Variants in RFX3 observed in about 807,000 individuals in gnomAD.
RFX3 encodes transcription factor RFX3.
Under a neutral mutation model 98.6 loss-of-function variants are expected in RFX3, and 14 were observed. The observed-to-expected ratio is 0.14, with a 90% CI of 0.09 to 0.22. RFX3 has a LOEUF of 0.22. Among genes scored for constraint, RFX3 ranks in the 10% least tolerant of loss-of-function variants. The pLI, the probability that RFX3 is intolerant of heterozygous loss-of-function variation, is 1.00. For missense variants in RFX3, 639 were observed against 926.9 expected, an observed-to-expected ratio of 0.69 and a Z score of 4.03; for synonymous variants, 383 against 328.4, an observed-to-expected ratio of 1.17 and a Z score of -1.80.
chr9:3,269,302 A>C (rs1183483445), intron 11 of RFX3, among the ~76,000 whole-genome samples: 1 of 152,000 alleles, frequency 6.6e-6, no homozygotes, highest in Non-Finnish European at 1.5e-5. Context: ...GTCTATTGTT[A>C]TTTAGAAAAA....
In RFX3 at chr9:3,231,724, A is replaced by G. The variant is rs116697328; in HGVS notation, c.1969-2835T>C. Among the ~76,000 whole-genome samples the G allele has an allele frequency of 5.6e-3, 850 of 152,140 alleles. 12 individuals carry two copies. The highest frequency in any genetic ancestry group is 0.02 in the African/African-American group (810 of 41,486). On this transcript the variant is annotated intron_variant, in intron 15 of 16. Transcript: ENST00000617270. ...TGAGAGCAGGCAGAAGAAAAATAGT[A>G]CCATAGATAGGGGCCAGATGACAAG...
At chr9:3,400,359 C>T (rs1253251843) in intron 1 of RFX3, 5 of 239,248 alleles carry the variant, frequency 2.1e-5, no homozygotes, top group East Asian at 1.8e-4. Context: ...TAGAGAGTCA[C>T]GGAGAACTTT....
At chr9:3,304,061 A>G (rs1586954647) in intron 4 of RFX3, among the ~76,000 whole-genome samples, 1 of 152,036 alleles carries the variant, frequency 6.6e-6, no homozygotes. Flanking sequence ...CAAGGAAGAC[A>G]CCAGCCTCAG....
intron 2 of RFX3, among the ~76,000 whole-genome samples, chr9:3,373,388 G>C (rs1029467147): frequency 1.3e-5 from 2 of 152,078 alleles, no homozygotes. Context: ...ACCTGAGAAA[G>C]CTAATTCACA....
intron 2 of RFX3, among the ~76,000 whole-genome samples, chr9:3,375,478 A>G (rs533610451): frequency 1.3e-5 from 2 of 152,244 alleles, no homozygotes; most frequent in Non-Finnish European, 2.9e-5. Flanking sequence ...ACAAGCTGAT[A>G]AGATTTCTAA....
intron 1 of RFX3, among the ~76,000 whole-genome samples, chr9:3,415,184 C>CACATACTCATATATATATATATAT (rs1842880672): frequency 7.7e-6 from 1 of 129,164 alleles, no homozygotes; most frequent in East Asian, 2.2e-4. Flanking sequence ...TATATATATA[C>CACATACTCATATATATATATATAT]ACATACTCAT....
intron 13 of RFX3, among the ~76,000 whole-genome samples, chr9:3,260,777 T>C (rs889024765): frequency 1.3e-5 from 2 of 151,314 alleles, no homozygotes; most frequent in African/African-American, 2.4e-5. Flanking sequence ...GTAAAGATTA[T>C]GTACTTGTAT....
chr9:3,413,852 A>C (rs2132220896), intron 1 of RFX3, among the ~76,000 whole-genome samples: 1 of 152,238 alleles, frequency 6.6e-6, no homozygotes, highest in East Asian at 1.9e-4. Context: ...CTAAGTAATA[A>C]ATCAGGAAAA....
intron 1 of RFX3, among the ~76,000 whole-genome samples, chr9:3,514,609 C>T (rs983888133): frequency 6.6e-6 from 1 of 152,076 alleles, no homozygotes; most frequent in Non-Finnish European, 1.5e-5. Context: ...CCACTGCACC[C>T]GGCTAATTTT....
chr9:3,450,716 A>C (rs184529675), intron 1 of RFX3, among the ~76,000 whole-genome samples: 248 of 152,296 alleles, frequency 1.6e-3, no homozygotes, highest in East Asian at 5.8e-3. Flanking sequence ...AGGACACACA[A>C]AAAAAATCAA....
chr9:3,392,978 T>C (rs1226460670), intron 2 of RFX3, among the ~76,000 whole-genome samples: 3 of 149,610 alleles, frequency 2.0e-5, no homozygotes, highest in Non-Finnish European at 3.0e-5. Flanking sequence ...GGTTGAGACA[T>C]GAAATTATTG....
intron 1 of RFX3, among the ~76,000 whole-genome samples, chr9:3,469,523 T>A (rs970855265): frequency 2.6e-5 from 4 of 152,182 alleles, no homozygotes; most frequent in Admixed American, 2.6e-4. Flanking sequence ...TTATTCTTGA[T>A]TGTGAACATA....
chr9:3,367,575 A>G (rs1056716875), intron 2 of RFX3, among the ~76,000 whole-genome samples: 2 of 152,204 alleles, frequency 1.3e-5, no homozygotes, highest in African/African-American at 4.8e-5. Flanking sequence ...ACACAGCAAG[A>G]AGAAACTAAT....
chr9:3,362,941 A>C (rs1836626841), intron 2 of RFX3, among the ~76,000 whole-genome samples: 1 of 152,220 alleles, frequency 6.6e-6, no homozygotes, highest in Admixed American at 6.5e-5. Flanking sequence ...CTCAGCGACA[A>C]AACAGGATAG....
chr9:3,412,302 G>C (rs1416459282), intron 1 of RFX3, among the ~76,000 whole-genome samples: 1 of 152,124 alleles, frequency 6.6e-6, no homozygotes, highest in Non-Finnish European at 1.5e-5. Flanking sequence ...CTTGAGTCAT[G>C]GTTAGTGCCA....
At chr9:3,482,907 A>G (rs900701595) in intron 1 of RFX3, among the ~76,000 whole-genome samples, 1 of 152,168 alleles carries the variant, frequency 6.6e-6, no homozygotes, top group Non-Finnish European at 1.5e-5. Context: ...GAGCTTATTA[A>G]CTTATGCTTA....
At chr9:3,399,154 G>T (rs1484809264) in intron 1 of RFX3, among the ~76,000 whole-genome samples, 6 of 151,812 alleles carry the variant, frequency 4.0e-5, no homozygotes, top group African/African-American at 1.4e-4. Context: ...AAATTTCCAG[G>T]CCGGGCACAG....
intron 1 of RFX3, among the ~76,000 whole-genome samples, chr9:3,424,959 G>C (rs984094707): frequency 9.2e-5 from 14 of 152,190 alleles, no homozygotes; most frequent in Admixed American, 6.5e-4. Context: ...GCCAGGCACA[G>C]TGGTTCATAC....
At chr9:3,255,763 T>C (rs1159450906) in intron 14 of RFX3, among the ~76,000 whole-genome samples, 1 of 152,206 alleles carries the variant, frequency 6.6e-6, no homozygotes, top group Non-Finnish European at 1.5e-5. Flanking sequence ...ATTTGATATA[T>C]GTCATGTAAT....
Sources: allele counts gnomAD v4.1 joint callset (sites outside exome capture counted in the v4.1 genomes callset), GRCh38; gene constraint gnomAD v4.1.1; transcripts MANE v1.5; gene names NCBI Gene and HGNC (gene_info 2026-07-23, HGNC 2026-07-21).